The following NREP variants were observed in gnomAD, a reference collection of about 807,000 sequenced individuals.
NREP encodes neuronal regeneration related protein.
In NREP, 5 loss-of-function variants were observed where a neutral mutation model predicts 8.6. That is an observed-to-expected ratio of 0.58 (90% CI 0.30 to 1.22). The LOEUF (loss-of-function observed/expected upper bound fraction) is 1.22. Among genes scored for constraint, NREP ranks in the 50% most tolerant of loss-of-function variants. The pLI is 0.07. For missense variants in NREP, 86 were observed against 82.5 expected (o/e 1.04, Z -0.17); for synonymous variants, 27 against 28.0 (o/e 0.96, Z 0.11).
At chr5:111,873,237 G>A (rs1019455986) in intron 2 of NREP, among the ~76,000 whole-genome samples, 5 of 152,110 alleles carry the variant, frequency 3.3e-5, no homozygotes, top group Non-Finnish European at 1.5e-5. Flanking sequence ...AGATAAATGG[G>A]AGTGGTCATC....
chr5:111,781,756 G>C (rs1322223651), intron 2 of NREP, among the ~76,000 whole-genome samples: 2 of 152,110 alleles, frequency 1.3e-5, no homozygotes, highest in Non-Finnish European at 2.9e-5. Context: ...GCACTTTTTA[G>C]ATTTCAAGTA....
At chr5:111,861,934 T>C (rs541267261) in intron 2 of NREP, among the ~76,000 whole-genome samples, 2 of 152,150 alleles carry the variant, frequency 1.3e-5, no homozygotes, top group East Asian at 3.9e-4. Flanking sequence ...TGAAATGAAA[T>C]GGTGCATCTA....
At chr5:111,773,961 G>A (rs527945141) in intron 2 of NREP, among the ~76,000 whole-genome samples, 12 of 152,214 alleles carry the variant, frequency 7.9e-5, no homozygotes, top group South Asian at 4.1e-4. Flanking sequence ...GCTCTTACCC[G>A]TGGGGGAGGT....
chr5:111,973,057 A>G (rs1475212192), intron 2 of NREP, among the ~76,000 whole-genome samples: 1 of 152,176 alleles, frequency 6.6e-6, no homozygotes, highest in African/African-American at 2.4e-5. Context: ...TGGAAAGAGA[A>G]GTGATGCAGT....
chr5:111,938,443 C>A (rs1755742024), intron 2 of NREP, among the ~76,000 whole-genome samples: 1 of 152,026 alleles, frequency 6.6e-6, no homozygotes, highest in Non-Finnish European at 1.5e-5. Context: ...TAAAATCAAT[C>A]TTTGCATCCA....
chr5:111,944,849 G>T (rs1436119123), intron 2 of NREP, among the ~76,000 whole-genome samples: 1 of 152,070 alleles, frequency 6.6e-6, no homozygotes, highest in Non-Finnish European at 1.5e-5. Flanking sequence ...GCAGACTTCA[G>T]TTAGTTCATC....
intron 2 of NREP, among the ~76,000 whole-genome samples, chr5:111,886,243 A>T (rs1259306783): frequency 6.6e-6 from 1 of 152,242 alleles, no homozygotes; most frequent in African/African-American, 2.4e-5. Flanking sequence ...ACTGGCCATC[A>T]AAGAAGTGCA....
intron 2 of NREP, among the ~76,000 whole-genome samples, chr5:111,916,215 G>A (rs1049171017): frequency 6.6e-6 from 1 of 152,010 alleles, no homozygotes; most frequent in African/African-American, 2.4e-5. Context: ...AGTAGATGTT[G>A]ATGATAGAGA....
At chr5:111,908,154 T>C (rs1451507363) in intron 2 of NREP, among the ~76,000 whole-genome samples, 1 of 134,396 alleles carries the variant, frequency 7.4e-6, no homozygotes, top group Non-Finnish European at 1.6e-5. Context: ...CATTGATTAT[T>C]AGTGTTATTC....
chr5:111,903,293 C>A (rs1754693274), intron 2 of NREP, among the ~76,000 whole-genome samples: 1 of 152,002 alleles, frequency 6.6e-6, no homozygotes, highest in Non-Finnish European at 1.5e-5. Context: ...CCGTATTGGT[C>A]AGGCTGGTCT....
rs534537691 is a variant in NREP, at chr5:111,765,506, C to A, written c.136-29999G>T. On this transcript the variant is annotated intron_variant, in intron 2 of 3. Transcript: ENST00000395634. ...GAACTATATAGCCCTTGCATCAATT[C>A]TGTGACATAGGTATCATCAGTATCC... Among the ~76,000 whole-genome samples the A allele has an allele frequency of 5.3e-5, 8 of 152,350 alleles. No individual in the cohort carries two copies. In the South Asian group the frequency reaches 1.0e-3, roughly 20 times the overall value.
chr5:111,734,590 G>T, intron 3 of NREP: 1 of 461,836 alleles, frequency 2.2e-6, no homozygotes. Context: ...TATAAGATAG[G>T]GAATTGTTGA....
chr5:111,792,123 TATGTATATTTTGACAGGCTGACAATA>T (rs1438559290), intron 2 of NREP, among the ~76,000 whole-genome samples: 1 of 152,194 alleles, frequency 6.6e-6, no homozygotes, highest in Non-Finnish European at 1.5e-5. Context: ...TATATTAGAA[TATGTATATTTTGACAGGCTGACAATA>T]AGAAATTCAC....
intron 2 of NREP, among the ~76,000 whole-genome samples, chr5:111,893,923 A>C (rs1754449780): frequency 6.6e-6 from 1 of 152,046 alleles, no homozygotes; most frequent in East Asian, 1.9e-4. Flanking sequence ...TAGTAATATT[A>C]ATAATAATAA....
At chr5:111,878,391 G>A (rs1753963408) in intron 2 of NREP, among the ~76,000 whole-genome samples, 1 of 152,166 alleles carries the variant, frequency 6.6e-6, no homozygotes. Flanking sequence ...GAGAGCAACA[G>A]GGTGAAGGAG....
chr5:111,841,664 A>C (rs187639985), intron 2 of NREP, among the ~76,000 whole-genome samples: 45 of 152,140 alleles, frequency 3.0e-4, no homozygotes, highest in Non-Finnish European at 4.4e-5. Context: ...TCCTTAGGGC[A>C]CACCCTTGAA....
At chr5:111,964,019 C>A (rs1756557400) in intron 2 of NREP, among the ~76,000 whole-genome samples, 1 of 152,142 alleles carries the variant, frequency 6.6e-6, no homozygotes, top group African/African-American at 2.4e-5. Flanking sequence ...AATCACCAGC[C>A]AAATAAAGAA....
intron 2 of NREP, among the ~76,000 whole-genome samples, chr5:111,873,180 A>G (rs1229531055): frequency 6.6e-6 from 1 of 152,190 alleles, no homozygotes; most frequent in Non-Finnish European, 1.5e-5. Context: ...CCATTAAAGG[A>G]TGCTATTATT....
intron 2 of NREP, among the ~76,000 whole-genome samples, chr5:111,785,590 T>C (rs376482765): frequency 6.6e-6 from 1 of 152,176 alleles, no homozygotes; most frequent in East Asian, 1.9e-4. Flanking sequence ...AAATGACTAT[T>C]CTTATTTGAA....
Sources: allele counts gnomAD v4.1 joint callset (sites outside exome capture counted in the v4.1 genomes callset), GRCh38; gene constraint gnomAD v4.1.1; transcripts MANE v1.5; gene names NCBI Gene and HGNC (gene_info 2026-07-23, HGNC 2026-07-21).